Variants in TPRG1 observed in about 807,000 individuals in gnomAD.
The protein encoded by TPRG1 is tumor protein p63 regulated 1.
A neutral mutation model predicts 29.3 loss-of-function variants in TPRG1; 29 were observed. The ratio of observed to expected loss-of-function variants is 0.99; its 90% CI spans 0.74 to 1.35. The LOEUF is 1.35. TPRG1 is among the 40% of genes most tolerant of loss of function. TPRG1 has a pLI of 0.00. For missense variants in TPRG1, 327 were observed against 335.0 expected (o/e 0.98, Z 0.19); for synonymous variants, 130 against 116.8 (o/e 1.11, Z -0.73).
rs373646705 is a variant in TPRG1 at position 189,128,715 on chromosome 3, T to G, written c.-590+1505T>G. On this transcript the variant is annotated intron_variant, in intron 2 of 6. Transcript: ENST00000412373. ...GCTGAGAGAGCTTAGGTAACTTACC[T>G]AAGGACATGCCACTGGTAGGTGTCA... Among the ~76,000 whole-genome samples the G allele has an allele frequency of 1.1e-3, 175 of 152,316 alleles. 1 individual carries two copies. Among genetic ancestry groups the G allele is most frequent in the Middle Eastern group, 6.8e-3 (2 of 294 alleles).
rs1418401251 is a variant in TPRG1 at position 189,323,996 on chromosome 3, C to T, written c.*3176C>T. On this transcript the variant is annotated 3_prime_UTR_variant, in exon 6 of 6. Transcript: ENST00000345063. The stretch of plus-strand genomic sequence containing the variant: ...AGTTCAAAGCAGATAGATGTTTTAA[C>T]ACAACAGGAGGACTTTTAAACAATC... 2.0e-5 allele frequency: 3 copies of T among 152,094 alleles called. No homozygotes were observed. Among genetic ancestry groups the T allele is most frequent in the Non-Finnish European group, 4.4e-5 (3 of 68,036 alleles). 9.4% of individuals were successfully genotyped at this position (152,094 alleles called of 1,614,324 possible). A position where few individuals can be genotyped will look rare whatever the true frequency, so the allele number is the denominator to read the frequency against.
intron 4 of TPRG1, among the ~76,000 whole-genome samples, chr3:189,069,803 T>G (rs1286196679): frequency 6.6e-6 from 1 of 152,124 alleles, no homozygotes; most frequent in South Asian, 2.1e-4. Context: ...GGAATACTAC[T>G]CCACAATACA....
chr3:189,060,522 A>T (rs1469449719), intron 4 of TPRG1, among the ~76,000 whole-genome samples: 1 of 152,202 alleles, frequency 6.6e-6, no homozygotes, highest in East Asian at 1.9e-4. Flanking sequence ...TGTGGAAGAC[A>T]TCATTCTATA....
chr3:189,162,970 G>T (rs546362184), intron 5 of TPRG1, among the ~76,000 whole-genome samples: 1 of 152,288 alleles, frequency 6.6e-6, no homozygotes, highest in East Asian at 1.9e-4. Context: ...AACACAAGTT[G>T]ATTTAACATA....
chr3:189,104,398 G>A (rs1399801659), intron 1 of TPRG1, among the ~76,000 whole-genome samples: 1 of 152,004 alleles, frequency 6.6e-6, no homozygotes, highest in African/African-American at 2.4e-5. Flanking sequence ...ATTTATTACA[G>A]CAGATTATCT....
chr3:189,105,759 T>C (rs1467054007), intron 1 of TPRG1, among the ~76,000 whole-genome samples: 3 of 152,132 alleles, frequency 2.0e-5, no homozygotes, highest in Non-Finnish European at 2.9e-5. Flanking sequence ...GTGTCAAAAA[T>C]GTCCTTCCGA....
intron 4 of TPRG1, among the ~76,000 whole-genome samples, chr3:189,025,248 A>G (rs1435702654): frequency 1.3e-5 from 2 of 152,058 alleles, no homozygotes; most frequent in Admixed American, 6.5e-5. Flanking sequence ...TCCTGATCTG[A>G]GGGTTGCAAA....
intron 1 of TPRG1, among the ~76,000 whole-genome samples, chr3:189,203,431 A>G (rs1733812161): frequency 6.6e-6 from 1 of 152,090 alleles, no homozygotes; most frequent in Non-Finnish European, 1.5e-5. Context: ...AATAAATATA[A>G]CTATTTTCTT....
rs553766742 is a variant in TPRG1, at chr3:189,322,479, A to T, written c.*1659A>T. ...CCCAAGGCAGGGAACTTCTATTCAG[A>T]CTGTAAAAGGAAATGTTGAAATCCA... is the stretch of plus-strand genomic sequence containing the variant. On this transcript the variant is annotated 3_prime_UTR_variant, in exon 6 of 6. Coordinates refer to ENST00000345063, the MANE Select transcript of TPRG1 (RefSeq NM_198485.4). The T allele has an allele frequency of 6.6e-6, 1 of 152,490 alleles. No individual in the cohort carries two copies. Among genetic ancestry groups the T allele is most frequent in the African/African-American group, 2.4e-5 (1 of 41,470 alleles). The allele number at this position is 152,490 out of a possible 1,614,324, so 9.4% of individuals were successfully genotyped here.
chr3:189,114,090 C>T (rs1398116756), intron 1 of TPRG1, among the ~76,000 whole-genome samples: 1 of 151,992 alleles, frequency 6.6e-6, no homozygotes, highest in Non-Finnish European at 1.5e-5. Flanking sequence ...AGCTAAAATA[C>T]CAGAACCCCT....
chr3:189,305,139 G>A (rs1434681588), intron 4 of TPRG1, among the ~76,000 whole-genome samples: 2 of 152,150 alleles, frequency 1.3e-5, no homozygotes, highest in African/African-American at 4.8e-5. Context: ...CTAACAGGTA[G>A]GTTAGTGCCT....
At chr3:189,226,992 C>A (rs966583410) in intron 3 of TPRG1, among the ~76,000 whole-genome samples, 1 of 151,672 alleles carries the variant, frequency 6.6e-6, no homozygotes, top group African/African-American at 2.4e-5. Flanking sequence ...AACACACAAA[C>A]TATTGCTACT....
intron 3 of TPRG1, chr3:189,218,099 A>C (rs1016044472): frequency 1.1e-5 from 10 of 905,722 alleles, no homozygotes; most frequent in African/African-American, 1.8e-5. Flanking sequence ...CCCTAGCCTC[A>C]CCAACCACAC....
At chr3:189,238,973 C>T in intron 4 of TPRG1, 64 bp downstream of exon 4, 1 of 1,437,748 alleles carries the variant, frequency 7.0e-7, no homozygotes. Flanking sequence ...GGAAAACAAG[C>T]CGAAAATTCA....
intron 1 of TPRG1, among the ~76,000 whole-genome samples, chr3:189,106,760 AT>A (rs1304811346): frequency 2.0e-5 from 3 of 152,038 alleles, no homozygotes; most frequent in African/African-American, 7.2e-5. Flanking sequence ...TTTTCAAAGA[AT>A]TTTCATGTTT....
chr3:189,205,389 G>A (rs923606842), intron 1 of TPRG1, among the ~76,000 whole-genome samples: 4 of 152,170 alleles, frequency 2.6e-5, no homozygotes, highest in African/African-American at 9.7e-5. Flanking sequence ...GCCTGAGACT[G>A]TCCAGTTCAC....
chr3:189,207,594 G>C lies in TPRG1; in HGVS notation c.210G>C (p.Arg70=), dbSNP rs781157814. The C allele has an allele frequency of 6.2e-7, 1 of 1,613,528 alleles. No homozygotes were observed. Among genetic ancestry groups the C allele is most frequent in the Non-Finnish European group, 8.5e-7 (1 of 1,179,766 alleles). ...PYISRKYFAT[R]PGAIETAMED... ...TCTCACGGAAGTACTTTGCTACACG[G>C]GTAAATTTATTGGTTCTCTTAAATA... is the stretch of plus-strand genomic sequence containing the variant. The change falls in exon 2 of 6, where the codon CGG becomes CGC. Residue 70 remains arginine (R), a splice_region_variant and synonymous_variant. Transcript: ENST00000345063.
rs377475485 is a variant in TPRG1 at position 189,081,919 on chromosome 3, C to T, written c.-462-45138C>T. On this transcript the variant is annotated intron_variant, in intron 4 of 10. Transcript: ENST00000433971. ...AGGTTGGAATTTGCCTGGGATTCAT[C>T]GAGATTTAGCTCAGCTCTGTTTTGC... Among the ~76,000 whole-genome samples, 5 of 152,116 alleles carry T rather than the reference C, an allele frequency of 3.3e-5. No individual in the cohort carries two copies. The East Asian group carries it at 5.8e-4, about 18-fold the overall frequency.
At chr3:189,206,809 G>A (rs576703316) in intron 1 of TPRG1, among the ~76,000 whole-genome samples, 75 of 22,476 alleles carry the variant, frequency 3.3e-3, no homozygotes, top group African/African-American at 0.027. Context: ...CTGAACAACC[G>A]TGTGTGTGTG....
Sources: gnomAD v4.1 joint callset for allele counts (sites outside exome capture counted in the v4.1 genomes callset) on GRCh38, gnomAD v4.1.1 for gene constraint, MANE v1.5 for transcripts, NCBI Gene and HGNC (gene_info 2026-07-23, HGNC 2026-07-21) for gene names.